The following ATIC variants were observed in gnomAD, a reference collection of about 807,000 sequenced individuals.
The protein encoded by ATIC is bifunctional purine biosynthesis protein ATIC.
A neutral mutation model predicts 72.5 loss-of-function variants in ATIC; 64 were observed. The ratio of observed to expected loss-of-function variants is 0.88; its 90% CI spans 0.72 to 1.09. The LOEUF (loss-of-function observed/expected upper bound fraction) is 1.09, where lower values mean the gene tolerates loss of function less well. Ranked by LOEUF, ATIC falls within the 50% of genes least tolerant of loss-of-function variation. The pLI is 0.00. For missense variants in ATIC, 787 were observed against 732.4 expected (o/e 1.07, Z -0.86); for synonymous variants, 281 against 267.1 (o/e 1.05, Z -0.51).
intron 11 of ATIC, 57 bp from the exon 12 acceptor site, chr2:215,338,722 T>A: frequency 6.4e-7 from 1 of 1,560,164 alleles, no homozygotes. Context: ...ATAAATTAAA[T>A]GAAAAATTTG....
chr2:215,318,269 G>T (rs1488109492), intron 3 of ATIC, 36 bp downstream of exon 3: 1 of 1,570,306 alleles, frequency 6.4e-7, no homozygotes. Flanking sequence ...AAAACAGTCA[G>T]TGGTTTCCAG....
At chr2:215,330,023 A>C (rs888691871) in intron 7 of ATIC, among the ~76,000 whole-genome samples, 1 of 152,148 alleles carries the variant, frequency 6.6e-6, no homozygotes, top group Non-Finnish European at 1.5e-5. Context: ...TGGCCTCCCA[A>C]AGTGTTGGGG....
At chr2:215,354,917 C>T in the ATIC span, among the ~76,000 whole-genome samples, 2 of 152,022 alleles carry the variant, frequency 1.3e-5, no homozygotes, top group East Asian at 3.9e-4. Flanking sequence ...TCCTCGCCAG[C>T]CCCAAGGGGT....
chr2:215,354,160 TG>T (rs1376027485), downstream of ATIC, among the ~76,000 whole-genome samples: 2 of 151,944 alleles, frequency 1.3e-5, no homozygotes, highest in African/African-American at 4.8e-5. Context: ...CCCGAGTAGC[TG>T]GGGACCACAG....
At position 215,312,069 on chromosome 2, in the gene ATIC, G is replaced by A. The variant is rs925974157; in HGVS notation, c.-74G>A. 4.6e-6 allele frequency: 7 copies of A among 1,525,584 alleles called. No individual in the cohort carries two copies. In the East Asian group the frequency reaches 9.9e-5, roughly 22 times the overall value. The allele number at this position is 1,525,584 out of a possible 1,614,324, so 94.5% of individuals were successfully genotyped here. A position where few individuals can be genotyped will look rare whatever the true frequency, so the allele number is the denominator to read the frequency against. ...CTCGCTTCCTGAGCCGCCACATCCCGGCAGCCCTCCTACCTGCGCACGTGG... is the reference window on the plus strand; with the variant it reads ...CTCGCTTCCTGAGCCGCCACATCCCAGCAGCCCTCCTACCTGCGCACGTGG... On this transcript the variant is annotated 5_prime_UTR_variant, in exon 1 of 16. Coordinates refer to ENST00000236959, the MANE Select transcript of ATIC (RefSeq NM_004044.7).
chr2:215,368,024 T>C, the ATIC span: 13 of 1,613,988 alleles, frequency 8.1e-6, no homozygotes, highest in African/African-American at 1.3e-5. Flanking sequence ...CAAGCCTTCG[T>C]TGACTATGAA....
chr2:215,333,203 C>A, intron 8 of ATIC, 147 bp from the exon 9 acceptor site: 2 of 702,800 alleles, frequency 2.8e-6, no homozygotes, highest in Non-Finnish European at 5.1e-6. Context: ...GTATAATTAT[C>A]TGGCTAAATA....
At chr2:215,329,669 G>A (rs1362006982) in intron 7 of ATIC, among the ~76,000 whole-genome samples, 1 of 152,154 alleles carries the variant, frequency 6.6e-6, no homozygotes, top group African/African-American at 2.4e-5. Context: ...ATTTATTTCA[G>A]CTATTTACTA....
At chr2:215,317,138 G>A (rs1159880613) in intron 2 of ATIC, among the ~76,000 whole-genome samples, 3 of 152,148 alleles carry the variant, frequency 2.0e-5, no homozygotes, top group East Asian at 1.9e-4. Flanking sequence ...CAGAGTGTTC[G>A]TGGTTACGAC....
chr2:215,317,628 G>A (rs576988268), intron 2 of ATIC, among the ~76,000 whole-genome samples: 2 of 152,206 alleles, frequency 1.3e-5, no homozygotes, highest in South Asian at 2.1e-4. Context: ...TGGGATTACA[G>A]GTGCCCGCCA....
the ATIC span, chr2:215,367,871 T>C: frequency 6.2e-7 from 1 of 1,613,948 alleles, no homozygotes; most frequent in African/African-American, 1.3e-5. Context: ...ACTAGATGAA[T>C]CACATCTGAA....
At chr2:215,356,080 G>T in the ATIC span, among the ~76,000 whole-genome samples, 1 of 152,122 alleles carries the variant, frequency 6.6e-6, no homozygotes, top group African/African-American at 2.4e-5. Flanking sequence ...TGCCTTTCCC[G>T]CACTTTCAAT....
At chr2:215,361,479 G>T in the ATIC span, 1 of 1,027,496 alleles carries the variant, frequency 9.7e-7, no homozygotes, top group Non-Finnish European at 1.6e-6. Context: ...CTCTAAGCTG[G>T]GTCTGCTAAC....
chr2:215,339,342 C>A (rs2052991482), intron 12 of ATIC, among the ~76,000 whole-genome samples: 2 of 152,088 alleles, frequency 1.3e-5, no homozygotes, highest in African/African-American at 4.8e-5. Context: ...TGTAGTGAAA[C>A]CTTGTCTCTA....
At chr2:215,317,635 G>A (rs868201755) in intron 2 of ATIC, among the ~76,000 whole-genome samples, 8 of 152,004 alleles carry the variant, frequency 5.3e-5, no homozygotes, top group African/African-American at 7.2e-5. Context: ...ACAGGTGCCC[G>A]CCATCACGCT....
the ATIC span, among the ~76,000 whole-genome samples, chr2:215,357,768 C>T: frequency 6.6e-6 from 1 of 151,860 alleles, no homozygotes; most frequent in East Asian, 1.9e-4. Context: ...TCTGCAAGGT[C>T]ATCTTTGTGT....
At chr2:215,312,809 C>T (rs1257241775) in intron 2 of ATIC, among the ~76,000 whole-genome samples, 185 bp downstream of exon 2, 1 of 152,100 alleles carries the variant, frequency 6.6e-6, no homozygotes. Context: ...ACTTTTAAGA[C>T]CCTGGACGGC....
Position 215,319,644 on chromosome 2 carries a change from TG to T in ATIC, c.224-20del. 1 of 1,569,506 alleles carries T rather than the reference TG, an allele frequency of 6.4e-7. No individual in the cohort carries two copies. The highest frequency in any genetic ancestry group is 8.8e-7 in the Non-Finnish European group (1 of 1,139,506). ...ACTTGTTTTTTGAAGCTAATGACTT[TG>T]TTTAACTTTTTTAAATTAGGAATCC... is the stretch of plus-strand genomic sequence containing the variant. On this transcript the variant is annotated intron_variant, in intron 3 of 15. Transcript: ENST00000236959.
chr2:215,319,724 CT>C lies in ATIC; in HGVS notation c.285del (p.Ile96Ter). The part of the protein sequence containing the change: ...NADMARLDFN[L>X]IRVVACNLYP... Reference sequence around the variant, plus strand: ...TGACATGGCCAGACTTGATTTCAATCTTATAAGGTAAAAACCTGAAATTAAA... The same window carrying C: ...TGACATGGCCAGACTTGATTTCAATCTATAAGGTAAAAACCTGAAATTAAA... On this transcript the variant is annotated frameshift_variant, in exon 4 of 16. Transcript: ENST00000236959. LOFTEE classifies it high-confidence loss of function. 1 of 1,607,500 alleles carries C rather than the reference CT, an allele frequency of 6.2e-7. No individual in the cohort carries two copies. Among genetic ancestry groups the C allele is most frequent in the Non-Finnish European group, 8.5e-7 (1 of 1,174,056 alleles).
Sources: allele counts gnomAD v4.1 joint callset (sites outside exome capture counted in the v4.1 genomes callset), GRCh38; gene constraint gnomAD v4.1.1; transcripts MANE v1.5; gene names NCBI Gene and HGNC (gene_info 2026-07-23, HGNC 2026-07-21).